POF1B: variants seen among roughly 807,000 people sequenced by gnomAD.
POF1B encodes the protein POF1B actin binding protein, also known as protein POF1B.
Under a neutral mutation model 55.3 loss-of-function variants are expected in POF1B, and 53 were observed. The observed-to-expected ratio is 0.96, with a 90% CI of 0.77 to 1.20. The LOEUF (loss-of-function observed/expected upper bound fraction) is 1.20, where lower values mean the gene tolerates loss of function less well. Ranked by LOEUF, POF1B falls within the 50% of genes most tolerant of loss-of-function variation. POF1B has a pLI of 0.00. For missense variants in POF1B, 478 were observed against 420.5 expected, an observed-to-expected ratio of 1.14 and a Z score of -1.20; for synonymous variants, 188 against 148.3, an observed-to-expected ratio of 1.27 and a Z score of -1.95.
intron 15 of POF1B, among the ~76,000 whole-genome samples, chrX:85,294,708 TA>T (rs1360267964): frequency 4.5e-5 from 5 of 111,598 alleles, no homozygotes; most frequent in African/African-American, 1.6e-4. Flanking sequence ...CAGATTTTGG[TA>T]TCAGGATAAT....
At chrX:85,373,863 A>T (rs1228556517) in intron 2 of POF1B, among the ~76,000 whole-genome samples, 1 of 111,378 alleles carries the variant, frequency 9.0e-6, no homozygotes, top group Non-Finnish European at 1.9e-5. Context: ...GGAGCAGTTC[A>T]GATGTAAGAG....
intron 15 of POF1B, among the ~76,000 whole-genome samples, chrX:85,293,555 A>G (rs1189959174): frequency 8.9e-6 from 1 of 112,288 alleles, no homozygotes; most frequent in Non-Finnish European, 1.9e-5. Context: ...ATCAGGAAGA[A>G]TAACTAATGG....
At chrX:85,349,817 A>G (rs1242723061) in intron 5 of POF1B, among the ~76,000 whole-genome samples, 1 of 110,822 alleles carries the variant, frequency 9.0e-6, no homozygotes, top group Non-Finnish European at 1.9e-5. Context: ...GTTGTTTTAA[A>G]CCATACAGTC....
intron 4 of POF1B, among the ~76,000 whole-genome samples, chrX:85,352,303 A>G (rs1341916789): frequency 9.0e-6 from 1 of 111,178 alleles, no homozygotes. Context: ...CAAAATTTGC[A>G]TTCATTTATT....
At chrX:85,366,160 A>T (rs1933718498) in intron 3 of POF1B, among the ~76,000 whole-genome samples, 1 of 112,036 alleles carries the variant, frequency 8.9e-6, no homozygotes, top group African/African-American at 3.2e-5. Flanking sequence ...TTACTGGAAA[A>T]TTTGAAAAAT....
intron 16 of POF1B, among the ~76,000 whole-genome samples, chrX:85,281,168 A>T (rs1462523253): frequency 9.6e-6 from 1 of 103,627 alleles, no homozygotes; most frequent in African/African-American, 3.7e-5. Context: ...TCTGTACTGA[A>T]CATGTACAGA....
intron 7 of POF1B, among the ~76,000 whole-genome samples, chrX:85,324,389 C>G (rs937966804): frequency 2.7e-5 from 3 of 111,182 alleles, no homozygotes; most frequent in African/African-American, 9.8e-5. Flanking sequence ...CTTTATGTAT[C>G]TTGGTGTGCC....
At chrX:85,343,303 T>TA (rs759209152) in intron 6 of POF1B, among the ~76,000 whole-genome samples, 1 of 110,984 alleles carries the variant, frequency 9.0e-6, no homozygotes, top group East Asian at 2.9e-4. Context: ...GTATGAATAA[T>TA]AAAAAAGTGA....
chrX:85,374,556 G>C (rs1336985077), intron 2 of POF1B, among the ~76,000 whole-genome samples: 2 of 112,251 alleles, frequency 1.8e-5, no homozygotes, highest in African/African-American at 6.5e-5. Context: ...TTTACATAAA[G>C]ACTAATATAC....
At position 85,280,833 on chromosome X, in the gene POF1B, G is replaced by GA. The variant is rs201406392; in HGVS notation, c.1764+1369dup. On this transcript the variant is annotated intron_variant, in intron 16 of 16. Transcript: ENST00000262753. ...CACCAGTGTAGGAGTATATAATTAGGAAAAAAACCCAAGAGCATTCTGTTA... is the reference window on the plus strand; with the variant it reads ...CACCAGTGTAGGAGTATATAATTAGGAAAAAAAACCCAAGAGCATTCTGTTA... Among the ~76,000 whole-genome samples, 889 of 110,418 alleles carry GA rather than the reference G, an allele frequency of 8.1e-3. 11 individuals carry two copies. Among genetic ancestry groups the GA allele is most frequent in the African/African-American group, 0.028 (839 of 30,425 alleles).
rs1248270894 is a variant in POF1B at position 85,360,078 on chromosome X, T to A, written c.358-448A>T. On this transcript the variant is annotated intron_variant, in intron 3 of 16. Coordinates refer to ENST00000262753, the MANE Select transcript of POF1B (RefSeq NM_024921.4). The stretch of plus-strand genomic sequence containing the variant: ...TGCTGGAAAGAGAGGACCATAGATA[T>A]CACTGTAAAATGTTGATGGGAAAAG... Among the ~76,000 whole-genome samples, 4 of 110,780 alleles carry A rather than the reference T, an allele frequency of 3.6e-5. No individual in the cohort carries two copies. The East Asian group carries it at 1.1e-3, about 31-fold the overall frequency.
intron 6 of POF1B, among the ~76,000 whole-genome samples, chrX:85,331,571 C>T (rs1045547693): frequency 9.9e-5 from 11 of 111,079 alleles, no homozygotes; most frequent in African/African-American, 3.6e-4. Context: ...AAACAATAAT[C>T]ATTTCTTCAT....
intron 2 of POF1B, among the ~76,000 whole-genome samples, chrX:85,378,336 A>T (rs1486875766): frequency 8.9e-6 from 1 of 111,985 alleles, no homozygotes; most frequent in East Asian, 2.8e-4. Flanking sequence ...AGAAAGCTTA[A>T]AACATGCAAA....
At chrX:85,326,486 C>T (rs1397892263) in intron 7 of POF1B, among the ~76,000 whole-genome samples, 2 of 109,566 alleles carry the variant, frequency 1.8e-5, no homozygotes, top group Admixed American at 1.9e-4. Flanking sequence ...AGTGCAAGTG[C>T]GGGGCGCTGG....
rs755146274 is a variant in POF1B, at chrX:85,359,557, G to A, written c.431C>T (p.Pro144Leu). The A allele has an allele frequency of 8.4e-7, 1 of 1,191,888 alleles. No homozygotes were observed. Among genetic ancestry groups the A allele is most frequent in the Non-Finnish European group, 1.1e-6 (1 of 881,694 alleles). ...TTIRKYVVQN[P>L]EQEPLSQFLR... The stretch of plus-strand genomic sequence containing the variant: ...TAAAAGTTGGTGTCTTACCTGTTCA[G>A]GATTTTGTACTACATATTTCCTAAT... Residue 144 changes from proline to leucine, a missense_variant, in exon 4 of 17, where the codon CCT (proline) becomes CTT (leucine). Physicochemically the swap from Pro to Leu is moderately conservative, Grantham distance 98. Transcript: ENST00000262753.
chrX:85,376,390 C>T (rs1227171695), intron 2 of POF1B, among the ~76,000 whole-genome samples: 11 of 111,629 alleles, frequency 9.9e-5, no homozygotes, highest in African/African-American at 3.2e-4. Context: ...TTACTTTAAG[C>T]TTCTAGAACT....
In POF1B at chrX:85,365,741, T is replaced by C. The variant is rs189235787; in HGVS notation, c.357+1951A>G. 3.6e-5 allele frequency among the ~76,000 whole-genome samples: 4 copies of C among 111,812 alleles called. No individual in the cohort carries two copies. The East Asian group carries it at 8.5e-4, about 24-fold the overall frequency. Reference sequence around the variant, plus strand: ...TCCAGGGATGTCCATTACAGCTCTATGGCGATATCAGTGTTTGTTTTCTCC... The same window carrying C: ...TCCAGGGATGTCCATTACAGCTCTACGGCGATATCAGTGTTTGTTTTCTCC... On this transcript the variant is annotated intron_variant, in intron 3 of 16. Transcript: ENST00000262753.
chrX:85,351,800 C>G (rs1467032433), intron 4 of POF1B, among the ~76,000 whole-genome samples: 1 of 110,815 alleles, frequency 9.0e-6, no homozygotes, highest in African/African-American at 3.3e-5. Context: ...CTCATTTAAA[C>G]TGGGTTCACT....
At chrX:85,356,137 C>T (rs1382635690) in intron 4 of POF1B, among the ~76,000 whole-genome samples, 34 of 110,372 alleles carry the variant, frequency 3.1e-4, no homozygotes, top group Non-Finnish European at 4.6e-4. Flanking sequence ...CCATAAAAAA[C>T]GATGAGTTCA....
Sources: gnomAD v4.1 joint callset for allele counts (sites outside exome capture counted in the v4.1 genomes callset) on GRCh38, gnomAD v4.1.1 for gene constraint, MANE v1.5 for transcripts, NCBI Gene and HGNC (gene_info 2026-07-23, HGNC 2026-07-21) for gene names.